The following SRRM1 variants were observed in gnomAD, a reference collection of about 807,000 sequenced individuals.
The protein encoded by SRRM1 is serine/arginine repetitive matrix protein 1.
In SRRM1, 19 loss-of-function variants were observed where a neutral mutation model predicts 110.2. The observed-to-expected ratio is 0.17, with a 90% CI of 0.12 to 0.25. SRRM1 has a LOEUF of 0.25. Among genes scored for constraint, SRRM1 ranks in the 10% least tolerant of loss-of-function variants. The probability of loss-of-function intolerance (pLI) is 1.00; values close to 1 mark genes in which losing one functional copy is unlikely to be tolerated. For synonymous variants in SRRM1, 443 were observed against 414.9 expected (o/e 1.07, Z -0.82); for missense variants, 918 against 1,145.8 (o/e 0.80, Z 2.87).
chr1:24,660,438 TAA>T (rs1666572867), intron 9 of SRRM1, among the ~76,000 whole-genome samples: 1 of 152,216 alleles, frequency 6.6e-6, no homozygotes, highest in African/African-American at 2.4e-5. Context: ...AGGAATTTTT[TAA>T]GTCTTCATAA....
At chr1:24,660,239 C>T (rs1288658493) in intron 9 of SRRM1, among the ~76,000 whole-genome samples, 3 of 152,166 alleles carry the variant, frequency 2.0e-5, no homozygotes, top group African/African-American at 7.2e-5. Context: ...GCTCGTGTAG[C>T]ACACAGAGGT....
chr1:24,643,683 C>T (rs1199901029), intron 1 of SRRM1: 4 of 343,830 alleles, frequency 1.2e-5, no homozygotes, highest in Non-Finnish European at 2.1e-5. Context: ...TGGGGCCTAG[C>T]GGAGCCGGAG....
intron 2 of SRRM1, 26 bp from the exon 3 acceptor site, chr1:24,646,641 A>G: frequency 6.4e-7 from 1 of 1,552,966 alleles, no homozygotes; most frequent in African/African-American, 1.5e-5. Flanking sequence ...GTGAAGTTGT[A>G]CTTAATTGTT....
chr1:24,663,925 G>A (rs1018482482), intron 12 of SRRM1, among the ~76,000 whole-genome samples: 12 of 145,634 alleles, frequency 8.2e-5, no homozygotes, highest in East Asian at 6.5e-4. Context: ...AAATAAAAGC[G>A]AATGGAAGGC....
At chr1:24,655,843 G>A (rs1663764957) in intron 9 of SRRM1, among the ~76,000 whole-genome samples, 1 of 152,182 alleles carries the variant, frequency 6.6e-6, no homozygotes, top group South Asian at 2.1e-4. Flanking sequence ...TAAAAGGTGA[G>A]TAGTAAGGGA....
intron 1 of SRRM1, among the ~76,000 whole-genome samples, chr1:24,644,927 G>A (rs1369149794): frequency 6.6e-6 from 1 of 152,042 alleles, no homozygotes; most frequent in Non-Finnish European, 1.5e-5. Context: ...CTGGGAGAGG[G>A]GCGAGTTTTT....
intron 10 of SRRM1, 63 bp downstream of exon 10, chr1:24,660,862 T>C: frequency 1.6e-6 from 2 of 1,235,890 alleles, no homozygotes; most frequent in Middle Eastern, 2.2e-4. Flanking sequence ...TAAAGCTGAT[T>C]TTGATTTTTT....
At chr1:24,661,956 C>T (rs1459105335) in intron 11 of SRRM1, among the ~76,000 whole-genome samples, 2 of 152,050 alleles carry the variant, frequency 1.3e-5, no homozygotes, top group African/African-American at 4.8e-5. Context: ...CATAGTGGCG[C>T]ACACCTGTAA....
intron 8 of SRRM1, among the ~76,000 whole-genome samples, chr1:24,654,144 C>A (rs1014134075): frequency 5.3e-5 from 8 of 152,102 alleles, no homozygotes; most frequent in Admixed American, 2.6e-4. Flanking sequence ...CTTCCTAGTA[C>A]AAGATTAGTG....
chr1:24,644,369 G>A (rs1655998366), intron 1 of SRRM1, among the ~76,000 whole-genome samples: 2 of 152,172 alleles, frequency 1.3e-5, no homozygotes, highest in African/African-American at 2.4e-5. Flanking sequence ...GAATGAAGTC[G>A]TATAGAAACT....
intron 1 of SRRM1, among the ~76,000 whole-genome samples, chr1:24,644,165 C>T (rs1035145065): frequency 2.6e-5 from 4 of 152,118 alleles, no homozygotes; most frequent in African/African-American, 9.7e-5. Flanking sequence ...CGTCGTCTGC[C>T]CATCGCCTGC....
At position 24,655,137 on chromosome 1, in the gene SRRM1, T is replaced by C. The variant is rs774882789; in HGVS notation, c.1315+8T>C. ...GGAGAACTTCAGGTAAAGGTAAAAA[T>C]CAAACACATATGAAACATGGTCTCT... is the stretch of plus-strand genomic sequence containing the variant. On this transcript the variant is annotated splice_region_variant and intron_variant, in intron 9 of 16. Transcript: ENST00000323848. 6.2e-7 allele frequency: 1 copy of C among 1,613,162 alleles called. No individual in the cohort carries two copies. Among genetic ancestry groups the C allele is most frequent in the Non-Finnish European group, 8.5e-7 (1 of 1,179,406 alleles).
rs1671638027 is a variant in SRRM1 at position 24,669,418 on chromosome 1, A to C, written c.2035A>C (p.Asn679His). ...STREARSPQP[N>H]KRHSPSPRPR... is the part of the protein sequence containing the mutation. ...CCGGGAGGCCCGATCACCACAACCA[A>C]ACAAACGGCATTCGCCCTCACCACG... The change falls in exon 14 of 17, where the codon AAC becomes CAC. Residue 679 changes from asparagine to histidine, a missense_variant. By Grantham distance (68) the Asn-to-His change is moderately conservative (BLOSUM62 1). Coordinates refer to ENST00000323848, the MANE Select transcript of SRRM1 (RefSeq NM_005839.4). 6.2e-7 allele frequency: 1 copy of C among 1,614,064 alleles called. No homozygotes were observed. Among genetic ancestry groups the C allele is most frequent in the African/African-American group, 1.3e-5 (1 of 74,992 alleles).
intron 12 of SRRM1, among the ~76,000 whole-genome samples, chr1:24,663,909 AATAAT>A: frequency 7.5e-6 from 1 of 133,172 alleles, no homozygotes; most frequent in Admixed American, 7.3e-5. Flanking sequence ...TAATAATAAT[AATAAT>A]AAATAAAAGC....
In SRRM1 at chr1:24,654,453, T is replaced by A. The variant is rs573190764; in HGVS notation, c.1041-402T>A. The A allele has an allele frequency of 3.1e-5, 29 of 944,178 alleles. No individual in the cohort carries two copies. The Admixed American group carries it at 7.7e-4, about 25-fold the overall frequency. The allele number at this position is 944,178 out of a possible 1,614,324, so 58.5% of individuals were successfully genotyped here. ...AATTCTTAGTTTTGCACATCTTTTT[T>A]AAAAATGCAACCTAAAGGTTTCTCA... is the stretch of plus-strand genomic sequence containing the variant. On this transcript the variant is annotated intron_variant, in intron 8 of 16. Coordinates refer to ENST00000323848, the MANE Select transcript of SRRM1 (RefSeq NM_005839.4).
intron 1 of SRRM1, chr1:24,643,795 A>T (rs1482827346): frequency 6.0e-6 from 1 of 167,250 alleles, no homozygotes; most frequent in African/African-American, 2.4e-5. Flanking sequence ...AGAGCACCTT[A>T]GGGGAGGGAG....
intron 4 of SRRM1, among the ~76,000 whole-genome samples, chr1:24,649,633 C>CAG (rs1659462878): frequency 6.6e-6 from 1 of 152,204 alleles, no homozygotes; most frequent in Non-Finnish European, 1.5e-5. Flanking sequence ...ATGGGCAATA[C>CAG]AGATGAACTC....
intron 7 of SRRM1, 99 bp from the exon 8 acceptor site, chr1:24,652,814 C>G: frequency 6.9e-7 from 1 of 1,458,022 alleles, no homozygotes; most frequent in Admixed American, 2.5e-5. Flanking sequence ...AAATTTTGAT[C>G]TTTGAAATTT....
Position 24,651,700 on chromosome 1 carries a change from C to T in SRRM1, c.725+88C>T, listed in dbSNP as rs1425634385. On this transcript the variant is annotated intron_variant, in intron 6 of 16. Coordinates refer to ENST00000323848, the MANE Select transcript of SRRM1 (RefSeq NM_005839.4). The stretch of plus-strand genomic sequence containing the variant: ...TGACATCTGAGTTAAAATAAAACTA[C>T]TTATTTTCCTTTTAGATTTTTTAAA... The T allele has an allele frequency of 7.8e-6, 8 of 1,023,546 alleles. No homozygotes were observed. In the South Asian group the frequency reaches 8.2e-5, roughly 10 times the overall value. 63.4% of individuals were successfully genotyped at this position (1,023,546 alleles called of 1,614,324 possible).
Sources: allele counts gnomAD v4.1 joint callset (sites outside exome capture counted in the v4.1 genomes callset), GRCh38; gene constraint gnomAD v4.1.1; transcripts MANE v1.5; gene names NCBI Gene and HGNC (gene_info 2026-07-23, HGNC 2026-07-21).